The following SSBP3 variants were observed in gnomAD, a reference collection of about 807,000 sequenced individuals.
The protein encoded by SSBP3 is single-stranded DNA-binding protein 3.
SSBP3 carries 5 observed loss-of-function variants against 69.6 expected under a neutral mutation model. That is an observed-to-expected ratio of 0.07 (90% CI 0.04 to 0.15). The LOEUF (loss-of-function observed/expected upper bound fraction) is 0.15, where lower values mean the gene tolerates loss of function less well. SSBP3 is among the 10% of genes least tolerant of loss of function. The pLI is 1.00. For missense variants in SSBP3, 312 were observed against 534.0 expected (o/e 0.58, Z 4.10); for synonymous variants, 196 against 193.4 (o/e 1.01, Z -0.11).
At chr1:54,408,338 AC>A (rs1649907005), upstream of SSBP3, among the ~76,000 whole-genome samples, 20 of 152,162 alleles carry the variant, frequency 1.3e-4, no homozygotes, top group Admixed American at 1.3e-3. Context: ...AATAGGGCTA[AC>A]TTAAGGTACC....
intron 4 of SSBP3, among the ~76,000 whole-genome samples, chr1:54,310,512 G>T (rs1021021039): frequency 2.0e-5 from 3 of 152,192 alleles, no homozygotes; most frequent in Non-Finnish European, 4.4e-5. Context: ...GCTACAAAGA[G>T]AAGAAAGTTT....
chr1:54,243,415 G>C, intron 9 of SSBP3, 116 bp from the exon 10 acceptor site: 1 of 1,288,064 alleles, frequency 7.8e-7, no homozygotes, highest in South Asian at 1.2e-5. Flanking sequence ...AAGGATTGAT[G>C]AGAAAAAATA....
At chr1:54,311,742 T>C (rs1646006876) in intron 4 of SSBP3, among the ~76,000 whole-genome samples, 1 of 152,066 alleles carries the variant, frequency 6.6e-6, no homozygotes, top group African/African-American at 2.4e-5. Flanking sequence ...GTCTCCAATT[T>C]CTAAGGTTTT....
intron 5 of SSBP3, among the ~76,000 whole-genome samples, chr1:54,275,071 A>G (rs1645259727): frequency 6.6e-6 from 1 of 152,010 alleles, no homozygotes; most frequent in Non-Finnish European, 1.5e-5. Flanking sequence ...CCAGCGTGGC[A>G]CTCAGTCACT....
intron 4 of SSBP3, among the ~76,000 whole-genome samples, chr1:54,333,860 T>C (rs1185945123): frequency 6.6e-6 from 1 of 151,508 alleles, no homozygotes; most frequent in Non-Finnish European, 1.5e-5. Context: ...AGCCCAGGAG[T>C]TTGAGACCAG....
chr1:54,300,654 C>T lies in SSBP3; in HGVS notation c.277-19127G>A, dbSNP rs552964414. ...TGATCAGACACCATCTGTTATTTTT[C>T]TCTAATTGTTCCACATGTGTGAAAT... On this transcript the variant is annotated intron_variant, in intron 4 of 17. Transcript: ENST00000610401. Among the ~76,000 whole-genome samples, 60 of 152,264 alleles carry T rather than the reference C, an allele frequency of 3.9e-4. 1 individual carries two copies. The highest frequency in any genetic ancestry group is 3.4e-3 in the Middle Eastern group (1 of 294).
chr1:54,377,369 T>A (rs1229066552), intron 4 of SSBP3, among the ~76,000 whole-genome samples: 1 of 152,226 alleles, frequency 6.6e-6, no homozygotes, highest in African/African-American at 2.4e-5. Flanking sequence ...TGCTGAGTGC[T>A]GAGTGTATAC....
chr1:54,329,795 C>T (rs1347941124), intron 4 of SSBP3, among the ~76,000 whole-genome samples: 1 of 152,196 alleles, frequency 6.6e-6, no homozygotes, highest in East Asian at 1.9e-4. Flanking sequence ...CGCTCCCCTC[C>T]CTGAGAAATG....
At chr1:54,399,874 C>T (rs1217087743) in intron 4 of SSBP3, among the ~76,000 whole-genome samples, 2 of 152,234 alleles carry the variant, frequency 1.3e-5, no homozygotes, top group African/African-American at 2.4e-5. Context: ...CCCTTAACGC[C>T]TTCATAATCC....
chr1:54,234,741 A>AGCCTTTAGGACATCCTTTTTAT (rs1644456249), intron 14 of SSBP3, among the ~76,000 whole-genome samples: 1 of 151,788 alleles, frequency 6.6e-6, no homozygotes, highest in Admixed American at 6.6e-5. Context: ...AAGCCTTTAT[A>AGCCTTTAGGACATCCTTTTTAT]GCCTTTAGGA....
At chr1:54,271,763 CTTTTCT>C (rs914613776) in intron 5 of SSBP3, among the ~76,000 whole-genome samples, 26 of 152,134 alleles carry the variant, frequency 1.7e-4, no homozygotes, top group East Asian at 3.8e-4. Context: ...GCTTTTCTTT[CTTTTCT>C]TTTTCTTTTT....
At chr1:54,280,160 G>C (rs1030607462) in intron 5 of SSBP3, among the ~76,000 whole-genome samples, 5 of 152,196 alleles carry the variant, frequency 3.3e-5, no homozygotes, top group Admixed American at 6.5e-5. Context: ...TTTCACTGCC[G>C]TCCTTCTTAG....
chr1:54,276,436 C>A (rs1326203373), intron 5 of SSBP3, among the ~76,000 whole-genome samples: 1 of 151,680 alleles, frequency 6.6e-6, no homozygotes, highest in East Asian at 1.9e-4. Context: ...CATGGTGAAA[C>A]CCCATCTCTA....
rs149304189 is a variant in SSBP3, at chr1:54,270,541, G to A, written c.366+10897C>T. 1.6e-4 allele frequency among the ~76,000 whole-genome samples: 25 copies of A among 152,280 alleles called. No homozygotes were observed. In the East Asian group the frequency reaches 2.9e-3, roughly 18 times the overall value. ...AAGGGTTAAACACTAAAAAGCTAGCGGATCTCAAAAATACCCAGAACCTCT... is the reference window on the plus strand; with the variant it reads ...AAGGGTTAAACACTAAAAAGCTAGCAGATCTCAAAAATACCCAGAACCTCT... On this transcript the variant is annotated intron_variant, in intron 5 of 17. Coordinates refer to ENST00000610401, the Ensembl canonical transcript of SSBP3.
rs542749127 is a variant in SSBP3, at chr1:54,376,193, T to G, written c.276+25668A>C. Among the ~76,000 whole-genome samples, 380 of 150,418 alleles carry G rather than the reference T, an allele frequency of 2.5e-3. 1 individual carries two copies. The highest frequency in any genetic ancestry group is 8.7e-3 in the African/African-American group (358 of 41,052). The stretch of plus-strand genomic sequence containing the variant: ...TCACTCGTGTGCGTGCATGCGTGGG[T>G]GTGTGTGTGTGTGTGTTTGTCTCAC... On this transcript the variant is annotated intron_variant, in intron 4 of 17. Coordinates refer to ENST00000610401, the Ensembl canonical transcript of SSBP3.
In SSBP3 at chr1:54,235,448, A is replaced by ATTTTTTTTTTT. The variant is rs71580002; in HGVS notation, c.927+3670_927+3680dup. 5.4e-4 allele frequency among the ~76,000 whole-genome samples: 38 copies of ATTTTTTTTTTT among 69,922 alleles called. 1 individual carries two copies. Among genetic ancestry groups the ATTTTTTTTTTT allele is most frequent in the African/African-American group, 2.0e-3 (30 of 15,244 alleles). The allele number at this position is 69,922 out of a possible 152,430, so 45.9% of individuals were successfully genotyped here. A position where few individuals can be genotyped will look rare whatever the true frequency, so the allele number is the denominator to read the frequency against. On this transcript the variant is annotated intron_variant, in intron 14 of 17. Transcript: ENST00000610401. ...AGGCGTGTACCACCATGCCCGGCTG[A>ATTTTTTTTTTT]TTTTTTTTTTTTTTTTTTTTTTTTT...
At chr1:54,293,057 CAA>C (rs1319984671) in intron 4 of SSBP3, among the ~76,000 whole-genome samples, 5 of 152,102 alleles carry the variant, frequency 3.3e-5, no homozygotes, top group African/African-American at 9.6e-5. Flanking sequence ...TGCTTCTGAC[CAA>C]GACACAGCCC....
chr1:54,282,041 A>AAATAATAATAAT (rs61443250), intron 4 of SSBP3, among the ~76,000 whole-genome samples: 9,837 of 142,808 alleles, frequency 0.069, 384 homozygotes, highest in South Asian at 0.14. Context: ...GCCCTATCTC[A>AAATAATAATAAT]AATAATAATA....
intron 13 of SSBP3, 121 bp downstream of exon 13, chr1:54,240,784 G>A: frequency 7.7e-7 from 1 of 1,305,260 alleles, no homozygotes; most frequent in Non-Finnish European, 1.1e-6. Flanking sequence ...TGGAAGATGT[G>A]CTGCCCAGGA....
Sources: gnomAD v4.1 joint callset for allele counts (sites outside exome capture counted in the v4.1 genomes callset) on GRCh38, gnomAD v4.1.1 for gene constraint, MANE v1.5 for transcripts, NCBI Gene and HGNC (gene_info 2026-07-23, HGNC 2026-07-21) for gene names.